SNX9: variants seen among roughly 807,000 people sequenced by gnomAD.
The protein encoded by SNX9 is sorting nexin-9.
A neutral mutation model predicts 89.4 loss-of-function variants in SNX9; 44 were observed. The ratio of observed to expected loss-of-function variants is 0.49; its 90% CI spans 0.39 to 0.63. The LOEUF (loss-of-function observed/expected upper bound fraction) is 0.63. Among genes scored for constraint, SNX9 ranks in the 30% least tolerant of loss-of-function variants. The pLI, the probability that SNX9 is intolerant of heterozygous loss-of-function variation, is 0.00. For missense variants in SNX9, 578 were observed against 736.1 expected, an observed-to-expected ratio of 0.79 and a Z score of 2.49; for synonymous variants, 236 against 247.8, an observed-to-expected ratio of 0.95 and a Z score of 0.45.
intron 4 of SNX9, among the ~76,000 whole-genome samples, chr6:157,877,432 A>G (rs1782542390): frequency 6.6e-6 from 1 of 152,222 alleles, no homozygotes; most frequent in Admixed American, 6.5e-5. Context: ...AAATATTTTA[A>G]CTGCTATCTC....
intron 4 of SNX9, among the ~76,000 whole-genome samples, chr6:157,880,595 C>A (rs1782604362): frequency 6.6e-6 from 1 of 152,200 alleles, no homozygotes; most frequent in Admixed American, 6.5e-5. Flanking sequence ...AATGTTACTT[C>A]TTTCTGTGCC....
At chr6:157,829,922 G>T (rs1385657307) in intron 1 of SNX9, among the ~76,000 whole-genome samples, 1 of 152,082 alleles carries the variant, frequency 6.6e-6, no homozygotes, top group Non-Finnish European at 1.5e-5. Flanking sequence ...CCAACTTTGT[G>T]GAAGGTTTGT....
chr6:157,921,756 A>G, intron 10 of SNX9, 95 bp downstream of exon 10: 3 of 1,376,560 alleles, frequency 2.2e-6, no homozygotes, highest in Non-Finnish European at 3.0e-6. Flanking sequence ...TATGTTGGTT[A>G]GTTATTTCTC....
chr6:157,835,969 C>T (rs1781574449), intron 1 of SNX9, among the ~76,000 whole-genome samples: 1 of 152,186 alleles, frequency 6.6e-6, no homozygotes, highest in South Asian at 2.1e-4. Context: ...CACTCTGTTG[C>T]TCAGGGTGGA....
chr6:157,934,175 T>G (rs1462505155), intron 13 of SNX9: 1 of 152,238 alleles, frequency 6.6e-6, no homozygotes, highest in Non-Finnish European at 1.5e-5. Flanking sequence ...CCAGTGCTCC[T>G]TTACAAGTTC....
At chr6:157,934,902 C>T (rs1351371030) in intron 13 of SNX9, among the ~76,000 whole-genome samples, 2 of 152,166 alleles carry the variant, frequency 1.3e-5, no homozygotes, top group African/African-American at 2.4e-5. Context: ...CACGTCCCAC[C>T]ACAGTGAACC....
chr6:157,836,653 C>T (rs1269739333), intron 1 of SNX9, among the ~76,000 whole-genome samples: 12 of 151,324 alleles, frequency 7.9e-5, no homozygotes, highest in East Asian at 5.8e-4. Flanking sequence ...TGCAGTGGCG[C>T]GATCTCAGCT....
intron 12 of SNX9, among the ~76,000 whole-genome samples, chr6:157,931,257 A>G (rs937256607): frequency 6.6e-5 from 10 of 152,154 alleles, no homozygotes; most frequent in Middle Eastern, 3.4e-3. Flanking sequence ...CAGGGGTACA[A>G]TTTATTAAAA....
At chr6:157,902,107 A>G (rs1783112358) in intron 6 of SNX9, 62 bp downstream of exon 6, 3 of 1,440,972 alleles carry the variant, frequency 2.1e-6, no homozygotes, top group Non-Finnish European at 1.8e-6. Context: ...AATACAAAGT[A>G]TATACCCTAC....
At position 157,901,904 on chromosome 6, in the gene SNX9, G is replaced by C; in HGVS notation, c.479G>C (p.Gly160Ala). 3 of 1,603,196 alleles carry C rather than the reference G, an allele frequency of 1.9e-6. No individual in the cohort carries two copies. The highest frequency in any genetic ancestry group is 2.6e-6 in the Non-Finnish European group (3 of 1,175,642). Reference sequence around the variant, plus strand: ...CTTCCATTTTCACCTCTAGCAACTGGTGATGATGATGACTGGGATGAAGAC... The same window carrying C: ...CTTCCATTTTCACCTCTAGCAACTGCTGATGATGATGACTGGGATGAAGAC... ...HPQAYQGPAT[G>A]DDDDWDEDWD... Residue 160 changes from glycine to alanine, a missense_variant, in exon 6 of 18, where the codon GGT (glycine) becomes GCT (alanine). Physicochemically the swap from Gly to Ala is moderately conservative, Grantham distance 60 (BLOSUM62 0). Coordinates refer to ENST00000392185, the MANE Select transcript of SNX9 (RefSeq NM_016224.5).
intron 17 of SNX9, among the ~76,000 whole-genome samples, chr6:157,941,287 G>A (rs1281839135): frequency 5.9e-5 from 9 of 152,042 alleles, no homozygotes; most frequent in South Asian, 2.1e-4. Flanking sequence ...CACCAGGAAC[G>A]GTGCTGAATG....
At chr6:157,904,526 T>C (rs1463510954) in intron 6 of SNX9, among the ~76,000 whole-genome samples, 1 of 151,962 alleles carries the variant, frequency 6.6e-6, no homozygotes, top group African/African-American at 2.4e-5. Flanking sequence ...GCCCAAAAAT[T>C]GAAATGCTTA....
In SNX9 at chr6:157,942,815, C is replaced by G. The variant is rs762774196; in HGVS notation, c.1765C>G (p.Leu589Val). Residue 589 changes from leucine to valine, a missense_variant, in exon 18 of 18, where the codon CTC becomes GTC. Coordinates refer to ENST00000392185, the MANE Select transcript of SNX9 (RefSeq NM_016224.5). ...GATTGCAGAAAAGCTGAGGCAGGCC[C>G]TCAGCCGCTTTCCAGTGATGTAGGA... is the stretch of plus-strand genomic sequence containing the variant. Reference protein sequence around the residue: ...ETIAEKLRQALSRFPVM With the variant: ...ETIAEKLRQAVSRFPVM 4 of 1,613,914 alleles carry G rather than the reference C, an allele frequency of 2.5e-6. No homozygotes were observed. Among genetic ancestry groups the G allele is most frequent in the Non-Finnish European group, 2.5e-6 (3 of 1,179,952 alleles).
intron 1 of SNX9, among the ~76,000 whole-genome samples, chr6:157,826,424 C>T (rs1482588066): frequency 1.3e-5 from 2 of 150,134 alleles, no homozygotes; most frequent in Admixed American, 6.7e-5. Flanking sequence ...AGCGTGAACC[C>T]GGGAGGCAGA....
intron 4 of SNX9, among the ~76,000 whole-genome samples, chr6:157,896,332 G>A (rs1028717634): frequency 1.3e-5 from 2 of 152,078 alleles, no homozygotes; most frequent in East Asian, 1.9e-4. Context: ...ACAACAGATC[G>A]CTATAAAGCA....
At chr6:157,831,640 A>C (rs568917946) in intron 1 of SNX9, among the ~76,000 whole-genome samples, 3 of 152,332 alleles carry the variant, frequency 2.0e-5, no homozygotes, top group African/African-American at 7.2e-5. Flanking sequence ...TCCCAGCGGG[A>C]AATCCTGCCT....
chr6:157,885,352 T>G (rs1006039390), intron 4 of SNX9: 2 of 152,218 alleles, frequency 1.3e-5, no homozygotes, highest in African/African-American at 4.8e-5. Context: ...TCAGTACAGA[T>G]TCATCTGTAG....
At chr6:157,846,043 C>A (rs1018450321) in intron 1 of SNX9, among the ~76,000 whole-genome samples, 1 of 152,174 alleles carries the variant, frequency 6.6e-6, no homozygotes, top group African/African-American at 2.4e-5. Context: ...TGGTGAGAGG[C>A]GCCCGTCCTG....
At chr6:157,862,837 A>G (rs1782170406) in intron 1 of SNX9, among the ~76,000 whole-genome samples, 2 of 152,020 alleles carry the variant, frequency 1.3e-5, no homozygotes, top group African/African-American at 4.8e-5. Flanking sequence ...TTCCTTAATA[A>G]ATTCTTTGGT....
Sources: gnomAD v4.1 joint callset for allele counts (sites outside exome capture counted in the v4.1 genomes callset) on GRCh38, gnomAD v4.1.1 for gene constraint, MANE v1.5 for transcripts, NCBI Gene and HGNC (gene_info 2026-07-23, HGNC 2026-07-21) for gene names.